The following ADGRE3 variants were observed in gnomAD, a reference collection of about 807,000 sequenced individuals.
The protein encoded by ADGRE3 is adhesion G protein-coupled receptor E3, also known as EGF-like module receptor 3.
A neutral mutation model predicts 80.1 loss-of-function variants in ADGRE3; 88 were observed. That is an observed-to-expected ratio of 1.10 (90% CI 0.93 to 1.31). ADGRE3 has a LOEUF of 1.31. Ranked by LOEUF, ADGRE3 falls within the 40% of genes most tolerant of loss-of-function variation. The pLI is 0.00. For synonymous variants in ADGRE3, 281 were observed against 294.8 expected (o/e 0.95, Z 0.48); for missense variants, 715 against 776.5 (o/e 0.92, Z 0.94).
chr19:14,600,148 C>T, the ADGRE3 span: 1 of 1,614,056 alleles, frequency 6.2e-7, no homozygotes, highest in Non-Finnish European at 8.5e-7. Context: ...GAGAATTACT[C>T]TCACTTGGTC....
rs369557985 is a variant in ADGRE3, at chr19:14,647,157, G to A, written c.882+24C>T. On this transcript the variant is annotated intron_variant, in intron 8 of 15. Coordinates refer to ENST00000253673, the MANE Select transcript of ADGRE3 (RefSeq NM_032571.5). ...GGCCTGCCTCCTTGAGAACCCACAA[G>A]CTCAAATCATACCTGTGACCCACCT... 6.9e-6 allele frequency: 11 copies of A among 1,605,594 alleles called. No homozygotes were observed. In the East Asian group the frequency reaches 2.0e-4, roughly 29 times the overall value.
At chr19:14,626,956 A>G (rs974351300) in intron 14 of ADGRE3, among the ~76,000 whole-genome samples, 1 of 152,192 alleles carries the variant, frequency 6.6e-6, no homozygotes, top group Non-Finnish European at 1.5e-5. Context: ...CGAAGCCTTC[A>G]GGCACAGTCA....
intron 11 of ADGRE3, among the ~76,000 whole-genome samples, chr19:14,636,090 C>CTTTCTTTCTT (rs1971057230): frequency 4.4e-5 from 1 of 22,890 alleles, no homozygotes; most frequent in African/African-American, 1.2e-4. Context: ...CCCTTTCTTT[C>CTTTCTTTCTT]TTTCTTTCTT....
chr19:14,618,222 C>T (rs2075094224), downstream of ADGRE3, among the ~76,000 whole-genome samples: 1 of 152,066 alleles, frequency 6.6e-6, no homozygotes. Context: ...ACGATTACCT[C>T]ATATAACTTT....
Position 14,638,180 on chromosome 19 carries a change from A to C in ADGRE3, c.1409T>G (p.Val470Gly). 6.2e-7 allele frequency: 1 copy of C among 1,614,114 alleles called. No individual in the cohort carries two copies. The highest frequency in any genetic ancestry group is 8.5e-7 in the Non-Finnish European group (1 of 1,180,018). Residue 470 changes from valine (V) to glycine (G), a missense_variant, in exon 11 of 16, where the codon GTC becomes GGC. By Grantham distance (109) the Val-to-Gly change is moderately radical (BLOSUM62 -3). Coordinates refer to ENST00000253673, the MANE Select transcript of ADGRE3 (RefSeq NM_032571.5). Reference sequence around the variant, plus strand: ...AGTCACAGCGGGAACGCCATAGCCGACTGGGAACATGATCCACTTCATGAG... The same window carrying C: ...AGTCACAGCGGGAACGCCATAGCCGCCTGGGAACATGATCCACTTCATGAG... ...NRLMKWIMFP[V>G]GYGVPAVTVA...
rs145634065 is a variant in ADGRE3 at position 14,660,221 on chromosome 19, G to A, written c.356-1671C>T. Among the ~76,000 whole-genome samples, 95 of 152,200 alleles carry A rather than the reference G, an allele frequency of 6.2e-4. 1 individual carries two copies. The highest frequency in any genetic ancestry group is 7.4e-5 in the Non-Finnish European group (5 of 68,010). On this transcript the variant is annotated intron_variant, in intron 4 of 15. Transcript: ENST00000253673. Reference sequence around the variant, plus strand: ...TCTTAACATTAGGAAAACAACCAAAGGCATTTTCCTTTTTTGTAAAATAAG... The same window carrying A: ...TCTTAACATTAGGAAAACAACCAAAAGCATTTTCCTTTTTTGTAAAATAAG...
intron 2 of ADGRE3, 116 bp downstream of exon 2, chr19:14,668,686 C>G (rs759276338): frequency 1.7e-5 from 12 of 703,820 alleles, no homozygotes; most frequent in Admixed American, 1.3e-4. Context: ...CAGGAGCAAG[C>G]CTTCCCAAAT....
Position 14,630,114 on chromosome 19 carries a change from C to T in ADGRE3, c.1737G>A (p.Met579Ile), listed in dbSNP as rs1725238419. The change falls in exon 14 of 16, where the codon ATG (methionine) becomes ATA (isoleucine). Residue 579 changes from methionine to isoleucine, a missense_variant. By Grantham distance (10) the Met-to-Ile change is conservative (BLOSUM62 1). Transcript: ENST00000253673. The stretch of plus-strand genomic sequence containing the variant: ...TGTTGATGATGGTGAAGAGGTAGGC[C>T]ATGACCTGGGCAGCTGGACCCACCT... ...LLQVGPAAQV[M>I]AYLFTIINSL... 2 of 1,613,406 alleles carry T rather than the reference C, an allele frequency of 1.2e-6. No homozygotes were observed. Among genetic ancestry groups the T allele is most frequent in the Non-Finnish European group, 1.7e-6 (2 of 1,179,514 alleles).
In ADGRE3 at chr19:14,662,091, C is replaced by T. The variant is rs767833404; in HGVS notation, c.227G>A (p.Ser76Asn). ...NDINECTPPYSVYCGFNAVCY... is the reference protein window; with the variant it reads ...NDINECTPPYNVYCGFNAVCY... ...CACAGCGTTAAATCCACAATATACA[C>T]TATAGGGTGGTGTACATTCATTAAT... The change falls in exon 4 of 16, where the codon AGT (serine) becomes AAT (asparagine). Residue 76 changes from serine to asparagine, a missense_variant. Coordinates refer to ENST00000253673, the MANE Select transcript of ADGRE3 (RefSeq NM_032571.5). 42 of 1,613,960 alleles carry T rather than the reference C, an allele frequency of 2.6e-5. No homozygotes were observed. Among genetic ancestry groups the T allele is most frequent in the Non-Finnish European group, 3.4e-5 (40 of 1,179,976 alleles).
At chr19:14,628,468 T>C (rs1970791566) in intron 14 of ADGRE3, 1 of 152,684 alleles carries the variant, frequency 6.5e-6, no homozygotes, top group South Asian at 2.1e-4. Flanking sequence ...AAATAAATAA[T>C]GATGATGATG....
At chr19:14,633,352 G>T in intron 11 of ADGRE3, 50 bp from the exon 12 acceptor site, 1 of 1,388,030 alleles carries the variant, frequency 7.2e-7, no homozygotes, top group South Asian at 1.2e-5. Flanking sequence ...GAAAGTGCGT[G>T]AGATCAACAT....
chr19:14,673,920 C>T (rs1972320172), intron 1 of ADGRE3, among the ~76,000 whole-genome samples: 1 of 152,142 alleles, frequency 6.6e-6, no homozygotes. Context: ...GTCTATCATT[C>T]TACTCTCTAT....
intron 7 of ADGRE3, among the ~76,000 whole-genome samples, chr19:14,650,661 C>T (rs905281575): frequency 6.5e-4 from 97 of 149,598 alleles, no homozygotes; most frequent in African/African-American, 2.3e-3. Context: ...CTCTCTCTCT[C>T]TCTCTCTCTC....
At chr19:14,653,168 G>C (rs1971654540) in intron 6 of ADGRE3, among the ~76,000 whole-genome samples, 1 of 151,866 alleles carries the variant, frequency 6.6e-6, no homozygotes, top group African/African-American at 2.4e-5. Context: ...AGTAGAAACA[G>C]GGTTTCACCA....
At position 14,653,581 on chromosome 19, in the gene ADGRE3, AT is replaced by A. The variant is rs1168969774; in HGVS notation, c.577+1400del. On this transcript the variant is annotated intron_variant, in intron 6 of 15. Coordinates refer to ENST00000253673, the MANE Select transcript of ADGRE3 (RefSeq NM_032571.5). ...ATGCACTTTCATTATCTCTATTAAA[AT>A]TTTTTTTTGAGACAGGCTCTCACTC... is the stretch of plus-strand genomic sequence containing the variant. 4.6e-5 allele frequency among the ~76,000 whole-genome samples: 7 copies of A among 151,262 alleles called. No individual in the cohort carries two copies. In the South Asian group the frequency reaches 1.3e-3, roughly 27 times the overall value.
At chr19:14,631,501 C>T (rs1970880559) in intron 13 of ADGRE3, among the ~76,000 whole-genome samples, 1 of 150,450 alleles carries the variant, frequency 6.6e-6, no homozygotes, top group African/African-American at 2.4e-5. Flanking sequence ...GGCATATATA[C>T]ACACACAATA....
chr19:14,657,583 C>G (rs538125850), intron 5 of ADGRE3, among the ~76,000 whole-genome samples: 112 of 151,798 alleles, frequency 7.4e-4, no homozygotes, highest in African/African-American at 2.6e-3. Flanking sequence ...GATACAGATA[C>G]AGAGCCCTCT....
intron 4 of ADGRE3, among the ~76,000 whole-genome samples, chr19:14,660,463 AC>A (rs1681294740): frequency 6.6e-6 from 1 of 152,056 alleles, no homozygotes; most frequent in African/African-American, 2.4e-5. Context: ...CCCCATCTCT[AC>A]AAAAAATGAA....
At chr19:14,617,374 C>CT (rs755354639), downstream of ADGRE3, among the ~76,000 whole-genome samples, 30,917 of 95,002 alleles carry the variant, frequency 0.33, 6,799 homozygotes, top group East Asian at 0.49. Flanking sequence ...TTCTTTCTTT[C>CT]TTCCTTTCTT....
Sources: gnomAD v4.1 joint callset for allele counts (sites outside exome capture counted in the v4.1 genomes callset) on GRCh38, gnomAD v4.1.1 for gene constraint, MANE v1.5 for transcripts, NCBI Gene and HGNC (gene_info 2026-07-23, HGNC 2026-07-21) for gene names.